Variants in COL4A1 observed in about 807,000 individuals in gnomAD.
The protein encoded by COL4A1 is collagen type IV alpha 1 chain.
A neutral mutation model predicts 216.6 loss-of-function variants in COL4A1; 40 were observed. That is an observed-to-expected ratio of 0.18 (90% CI 0.14 to 0.24). The LOEUF (loss-of-function observed/expected upper bound fraction) is 0.24, where lower values mean the gene tolerates loss of function less well. Ranked by LOEUF, COL4A1 falls within the 10% of genes least tolerant of loss-of-function variation. The probability of loss-of-function intolerance (pLI) is 1.00; values close to 1 mark genes in which losing one functional copy is unlikely to be tolerated. For synonymous variants in COL4A1, 839 were observed against 810.7 expected (o/e 1.03, Z -0.59); for missense variants, 1,628 against 2,196.8 (o/e 0.74, Z 5.18).
chr13:110,230,676 C>T (rs1030141591), intron 2 of COL4A1, among the ~76,000 whole-genome samples: 5 of 152,206 alleles, frequency 3.3e-5, no homozygotes, highest in Non-Finnish European at 7.3e-5. Context: ...AAGAAAACAC[C>T]ACTCTGCTTT....
At chr13:110,166,170 C>T (rs984768330) in intron 45 of COL4A1, 62 bp downstream of exon 45, 5 of 1,003,640 alleles carry the variant, frequency 5.0e-6, no homozygotes, top group Admixed American at 1.7e-5. Flanking sequence ...TCTGTGCATT[C>T]CTGGCTTTTA....
At position 110,211,108 on chromosome 13, in the gene COL4A1, T is replaced by G. The variant is rs193170843; in HGVS notation, c.468+539A>C. 7.2e-5 allele frequency among the ~76,000 whole-genome samples: 11 copies of G among 152,320 alleles called. No individual in the cohort carries two copies. The highest frequency in any genetic ancestry group is 2.6e-4 in the African/African-American group (11 of 41,572). ...GCGAGCACAGGGACTCTCACCTTCATCCAGGTAAGCAGTTATCTCTACTGC... is the reference window on the plus strand; with the variant it reads ...GCGAGCACAGGGACTCTCACCTTCAGCCAGGTAAGCAGTTATCTCTACTGC... On this transcript the variant is annotated intron_variant, in intron 8 of 51. Coordinates refer to ENST00000375820, the MANE Select transcript of COL4A1 (RefSeq NM_001845.6). This position sits in a 1 kb window ranked among gnomAD's most constrained non-coding sequence, Gnocchi z 4.3.
rs1975514 is a variant in COL4A1 at position 110,176,544 on chromosome 13, T to C, written c.2969-31A>G. On this transcript the variant is annotated intron_variant, in intron 35 of 51. Coordinates refer to ENST00000375820, the MANE Select transcript of COL4A1 (RefSeq NM_001845.6). ...ACCATAAAGAAAGCAGTCTGACAGG[T>C]TGACATCTACAGAAAGAGCTGGGGA... 574,889 of 1,596,810 alleles carry C rather than the reference T, an allele frequency of 0.36. 104,856 individuals are homozygous for C. The highest frequency in any genetic ancestry group is 0.39 in the Admixed American group (23,088 of 59,954).
intron 2 of COL4A1, among the ~76,000 whole-genome samples, chr13:110,230,644 TCCCTATCAAAGG>T (rs1881003241): frequency 6.6e-6 from 1 of 151,974 alleles, no homozygotes; most frequent in Non-Finnish European, 1.5e-5. Context: ...CCTGCCCAGG[TCCCTATCAAAGG>T]CCCCCAAAGA....
chr13:110,170,129 G>T lies in COL4A1; in HGVS notation c.3743-367C>A, dbSNP rs1409109926. ...AGGGAGGAAAGAAGGAAGGAAGGAA[G>T]GAAGGAAGGAAGGAAGGAAGGACAG... is the stretch of plus-strand genomic sequence containing the variant. On this transcript the variant is annotated intron_variant, in intron 42 of 51. Transcript: ENST00000375820. Among the ~76,000 whole-genome samples, 43 of 21,886 alleles carry T rather than the reference G, an allele frequency of 2.0e-3. 2 individuals are homozygous for T. Among genetic ancestry groups the T allele is most frequent in the African/African-American group, 3.9e-3 (37 of 9,450 alleles). 14.4% of individuals were successfully genotyped at this position (21,886 alleles called of 152,430 possible).
In COL4A1 at chr13:110,175,351, G is replaced by T; in HGVS notation, c.3065C>A (p.Pro1022His). ...GATGCCAGGCACACCTTTCTCTCCAGGTGTTCCTATAAACACAAACAATTG... is the reference window on the plus strand; with the variant it reads ...GATGCCAGGCACACCTTTCTCTCCATGTGTTCCTATAAACACAAACAATTG... ...SVGGMGLPGT[P>H]GEKGVPGIPG... Residue 1022 changes from proline (P) to histidine (H), a missense_variant, in exon 37 of 52, where the codon CCT becomes CAT. Coordinates refer to ENST00000375820, the MANE Select transcript of COL4A1 (RefSeq NM_001845.6). 1 of 1,614,134 alleles carries T rather than the reference G, an allele frequency of 6.2e-7. No individual in the cohort carries two copies. Among genetic ancestry groups the T allele is most frequent in the Non-Finnish European group, 8.5e-7 (1 of 1,180,020 alleles).
rs117397566 is a variant in COL4A1, at chr13:110,228,008, G to A, written c.145-13993C>T. Among the ~76,000 whole-genome samples, 124 of 152,292 alleles carry A rather than the reference G, an allele frequency of 8.1e-4. 1 individual carries two copies. In the East Asian group the frequency reaches 0.02, roughly 25 times the overall value. On this transcript the variant is annotated intron_variant, in intron 2 of 51. Transcript: ENST00000375820. ...CTCGCTGCACACACAGTCCTCAGGT[G>A]CCCATTTGAACGTCACCCTCGCTGG...
chr13:110,204,030 TG>T (rs1879371858), intron 17 of COL4A1, among the ~76,000 whole-genome samples: 1 of 152,252 alleles, frequency 6.6e-6, no homozygotes, highest in Non-Finnish European at 1.5e-5. Context: ...TTTTATATGA[TG>T]TTTTTAGGTG....
At chr13:110,163,809 C>T (rs1828693457) in intron 46 of COL4A1, among the ~76,000 whole-genome samples, 1 of 152,026 alleles carries the variant, frequency 6.6e-6, no homozygotes, top group Non-Finnish European at 1.5e-5. Flanking sequence ...TGGTTTCTTG[C>T]TGTTTGGCAG....
intron 1 of COL4A1, among the ~76,000 whole-genome samples, chr13:110,256,218 G>A (rs983586206): frequency 2.0e-5 from 3 of 152,124 alleles, no homozygotes; most frequent in Non-Finnish European, 2.9e-5. Context: ...TGGGCCCCAA[G>A]CGACAGGGTG....
intron 2 of COL4A1, among the ~76,000 whole-genome samples, chr13:110,215,802 C>T (rs1401889914): frequency 6.6e-6 from 1 of 152,210 alleles, no homozygotes; most frequent in East Asian, 1.9e-4. Context: ...ACAAGCTACA[C>T]ACCACATAAC....
intron 1 of COL4A1, among the ~76,000 whole-genome samples, chr13:110,290,629 A>G (rs901325540): frequency 6.6e-6 from 1 of 152,044 alleles, no homozygotes; most frequent in African/African-American, 2.4e-5. Flanking sequence ...CCAGCTCATC[A>G]TCCCTGTCCA....
chr13:110,279,302 G>A (rs1013817198), intron 1 of COL4A1, among the ~76,000 whole-genome samples: 1 of 152,128 alleles, frequency 6.6e-6, no homozygotes, highest in African/African-American at 2.4e-5. Context: ...GTTTTCTGGA[G>A]TCCAGTTCCA....
intron 15 of COL4A1, among the ~76,000 whole-genome samples, chr13:110,206,257 T>G (rs182302031): frequency 6.6e-6 from 1 of 152,070 alleles, no homozygotes; most frequent in Non-Finnish European, 1.5e-5. Context: ...GGCAGTGGGG[T>G]GGGTCTCACG....
chr13:110,162,137 T>G (rs1877113755), intron 48 of COL4A1, 93 bp downstream of exon 48: 1 of 1,179,506 alleles, frequency 8.5e-7, no homozygotes, highest in Non-Finnish European at 1.3e-6. Flanking sequence ...GCTACTGCCC[T>G]CACTGCAGCA....
At chr13:110,263,590 A>G (rs1201076918) in intron 1 of COL4A1, among the ~76,000 whole-genome samples, 1 of 152,220 alleles carries the variant, frequency 6.6e-6, no homozygotes, top group Non-Finnish European at 1.5e-5. Context: ...AGAAGCTGGG[A>G]CCACAGGCGT....
At chr13:110,186,322 G>T in intron 26 of COL4A1, 63 bp downstream of exon 26, 1 of 1,603,960 alleles carries the variant, frequency 6.2e-7, no homozygotes, top group Non-Finnish European at 8.5e-7. Flanking sequence ...GTGTGCACCC[G>T]AGGTGCCTGC....
At chr13:110,269,483 T>C (rs1424626525) in intron 1 of COL4A1, among the ~76,000 whole-genome samples, 2 of 152,110 alleles carry the variant, frequency 1.3e-5, no homozygotes, top group African/African-American at 2.4e-5. Flanking sequence ...ATTATGAAAA[T>C]AGTGGTGTTA....
In COL4A1 at chr13:110,187,122, C is replaced by A; in HGVS notation, c.1728+16G>T. On this transcript the variant is annotated intron_variant, in intron 25 of 51. Transcript: ENST00000375820. The stretch of plus-strand genomic sequence containing the variant: ...ACACTGTAAAATGCACATTCAAAGT[C>A]TGGAGATAAACATACCGGCGAGCCC... 2 of 1,613,850 alleles carry A rather than the reference C, an allele frequency of 1.2e-6. No individual in the cohort carries two copies. Among genetic ancestry groups the A allele is most frequent in the Non-Finnish European group, 1.7e-6 (2 of 1,179,782 alleles).
Sources: allele counts gnomAD v4.1 joint callset (sites outside exome capture counted in the v4.1 genomes callset), GRCh38; gene constraint gnomAD v4.1.1; non-coding constraint Gnocchi (gnomAD v3.1); transcripts MANE v1.5; gene names NCBI Gene and HGNC (gene_info 2026-07-23, HGNC 2026-07-21).